Variants in CNGA3 observed in about 807,000 individuals in gnomAD.
CNGA3 encodes cyclic nucleotide gated channel subunit alpha 3.
Under a neutral mutation model 46.6 loss-of-function variants are expected in CNGA3, and 42 were observed. The observed-to-expected ratio is 0.90, with a 90% CI of 0.70 to 1.17. The LOEUF (loss-of-function observed/expected upper bound fraction) is 1.17. Ranked by LOEUF, CNGA3 falls within the 50% of genes most tolerant of loss-of-function variation. The pLI is 0.00. For synonymous variants in CNGA3, 394 were observed against 369.4 expected, an observed-to-expected ratio of 1.07 and a Z score of -0.76; for missense variants, 893 against 890.7, an observed-to-expected ratio of 1.00 and a Z score of -0.03.
In CNGA3 at chr2:98,397,135, G is replaced by T; in HGVS notation, c.1965G>T (p.Gln655His). The change falls in exon 8 of 8, where the codon CAG becomes CAT. Residue 655 changes from glutamine to histidine, a missense_variant. Physicochemically the swap from Gln to His is conservative, Grantham distance 24. This residue lies in a region of CNGA3 where 548 missense variants were observed against 570.8 expected (regional missense o/e 0.96). Coordinates refer to ENST00000272602, the MANE Select transcript of CNGA3 (RefSeq NM_001298.3). ...ARLLAEYNAT[Q>H]MKMKQRLSQL... ...TCCTGGCTGAGTACAACGCCACCCAGATGAAGATGAAGCAGCGTCTCAGCC... is the reference window on the plus strand; with the variant it reads ...TCCTGGCTGAGTACAACGCCACCCATATGAAGATGAAGCAGCGTCTCAGCC... 5.0e-6 allele frequency: 8 copies of T among 1,614,150 alleles called. No individual in the cohort carries two copies. The highest frequency in any genetic ancestry group is 6.8e-6 in the Non-Finnish European group (8 of 1,180,012).
chr2:98,375,331 G>A (rs3769753), intron 2 of CNGA3, among the ~76,000 whole-genome samples: 25,527 of 152,216 alleles, frequency 0.17, 2,243 homozygotes, highest in Middle Eastern at 0.25. Flanking sequence ...TGCTGGTGGC[G>A]GCAGAACACC....
chr2:98,360,145 G>C (rs1157140985), intron 1 of CNGA3, among the ~76,000 whole-genome samples: 1 of 152,228 alleles, frequency 6.6e-6, no homozygotes, highest in African/African-American at 2.4e-5. Context: ...CCGGCCTTCA[G>C]CAGCAACCTT....
intron 7 of CNGA3, among the ~76,000 whole-genome samples, chr2:98,394,201 GA>G (rs1692857976): frequency 1.3e-5 from 2 of 152,084 alleles, no homozygotes; most frequent in Non-Finnish European, 2.9e-5. Flanking sequence ...GTGCATGTTT[GA>G]AAATGTAAAA....
intron 1 of CNGA3, among the ~76,000 whole-genome samples, chr2:98,361,533 T>G (rs762583388): frequency 2.8e-4 from 43 of 152,042 alleles, no homozygotes; most frequent in Non-Finnish European, 6.0e-4. Context: ...TATATTCTTT[T>G]GGGTATATAA....
intron 1 of CNGA3, among the ~76,000 whole-genome samples, chr2:98,365,347 T>G (rs1692123492): frequency 6.6e-6 from 1 of 152,196 alleles, no homozygotes; most frequent in South Asian, 2.1e-4. Context: ...ATTTTTTCCT[T>G]CATTTCAACC....
At chr2:98,384,535 C>G (rs1692611511) in intron 5 of CNGA3, among the ~76,000 whole-genome samples, 2 of 152,180 alleles carry the variant, frequency 1.3e-5, no homozygotes, top group African/African-American at 4.8e-5. Flanking sequence ...GGAAGCATGT[C>G]TTTTGTTTGC....
chr2:98,365,536 G>A (rs1390740440), intron 1 of CNGA3, among the ~76,000 whole-genome samples: 1 of 152,074 alleles, frequency 6.6e-6, no homozygotes, highest in East Asian at 1.9e-4. Flanking sequence ...TCTCTTTCAG[G>A]TACCCCAATC....
chr2:98,395,140 A>G (rs1194172341), intron 7 of CNGA3, among the ~76,000 whole-genome samples: 1 of 150,788 alleles, frequency 6.6e-6, no homozygotes, highest in Non-Finnish European at 1.5e-5. Context: ...ATAAAAATAA[A>G]CCTCTAAATC....
chr2:98,396,701 A>C lies in CNGA3; in HGVS notation c.1531A>C (p.Lys511Gln), dbSNP rs1294954096. The C allele has an allele frequency of 2.5e-6, 4 of 1,614,036 alleles. No homozygotes were observed. The East Asian group carries it at 8.9e-5, about 36-fold the overall frequency. Reference protein sequence around the residue: ...TVFSPGDYICKKGDIGKEMYI... With the variant: ...TVFSPGDYICQKGDIGKEMYI... ...GTTCAGCCCTGGGGATTATATCTGC[A>C]AGAAGGGAGATATTGGGAAGGAGAT... Residue 511 changes from lysine (K) to glutamine (Q), a missense_variant, in exon 8 of 8, where the codon AAG becomes CAG. This residue lies in a region of CNGA3 where 548 missense variants were observed against 570.8 expected (regional missense o/e 0.96). Transcript: ENST00000272602.
At chr2:98,381,224 C>T (rs941015473) in intron 4 of CNGA3, among the ~76,000 whole-genome samples, 1 of 152,062 alleles carries the variant, frequency 6.6e-6, no homozygotes, top group African/African-American at 2.4e-5. Context: ...AGAGGCAAGA[C>T]GTTGAGGGGA....
chr2:98,375,979 C>G (rs942901177), intron 2 of CNGA3, among the ~76,000 whole-genome samples: 8 of 152,086 alleles, frequency 5.3e-5, no homozygotes, highest in Non-Finnish European at 1.0e-4. Context: ...AAAAGAGCCA[C>G]TGAATGGCAT....
intron 6 of CNGA3, among the ~76,000 whole-genome samples, chr2:98,390,920 G>T (rs372531265): frequency 6.6e-6 from 1 of 152,192 alleles, no homozygotes; most frequent in East Asian, 1.9e-4. Context: ...GGATGCATGC[G>T]AGAGGAGACG....
chr2:98,381,591 T>C (rs1396769191), intron 4 of CNGA3, among the ~76,000 whole-genome samples: 10 of 152,126 alleles, frequency 6.6e-5, no homozygotes, highest in African/African-American at 2.2e-4. Context: ...ATTTTTAAGA[T>C]GGAATATGAG....
intron 1 of CNGA3, among the ~76,000 whole-genome samples, chr2:98,356,905 T>C (rs1443882946): frequency 6.6e-6 from 1 of 152,300 alleles, no homozygotes; most frequent in Non-Finnish European, 1.5e-5. Context: ...CCAAGTGGAA[T>C]GGAAATTTTC....
At chr2:98,357,564 A>G in intron 1 of CNGA3, among the ~76,000 whole-genome samples, 1 of 152,134 alleles carries the variant, frequency 6.6e-6, no homozygotes, top group East Asian at 1.9e-4. Context: ...TTGTGCTCTC[A>G]ATGGCAGAGA....
intron 1 of CNGA3, among the ~76,000 whole-genome samples, chr2:98,352,584 C>A (rs1392312237): frequency 6.6e-6 from 1 of 152,226 alleles, no homozygotes; most frequent in Non-Finnish European, 1.5e-5. Flanking sequence ...ATACAGGGTG[C>A]CCAGATAAAA....
rs149580393 is a variant in CNGA3, at chr2:98,397,298, G to C, written c.*43G>C. 8.1e-6 allele frequency: 13 copies of C among 1,597,350 alleles called. No individual in the cohort carries two copies. In the Admixed American group the frequency reaches 1.5e-4, roughly 19 times the overall value. ...CCTGCTTCACAGGGTCGACTGTCAGGGTGACCGTATGTGGCCGCAGCTGTG... is the reference window on the plus strand; with the variant it reads ...CCTGCTTCACAGGGTCGACTGTCAGCGTGACCGTATGTGGCCGCAGCTGTG... On this transcript the variant is annotated 3_prime_UTR_variant, in exon 8 of 8. Transcript: ENST00000272602.
chr2:98,347,680 G>A (rs1305510784), intron 1 of CNGA3, among the ~76,000 whole-genome samples: 1 of 152,198 alleles, frequency 6.6e-6, no homozygotes, highest in Non-Finnish European at 1.5e-5. Flanking sequence ...GGAAGCTGGC[G>A]GGAGCAGTCC....
chr2:98,356,331 TCAGA>T (rs1342129278), intron 1 of CNGA3, among the ~76,000 whole-genome samples: 1 of 152,098 alleles, frequency 6.6e-6, no homozygotes, highest in East Asian at 1.9e-4. Flanking sequence ...TGAATCAGAC[TCAGA>T]CAGAGTCTGA....
Sources: allele counts gnomAD v4.1 joint callset (sites outside exome capture counted in the v4.1 genomes callset), GRCh38; gene constraint gnomAD v4.1.1; regional missense constraint gnomAD v4.1.1; transcripts MANE v1.5; gene names NCBI Gene and HGNC (gene_info 2026-07-23, HGNC 2026-07-21).